NEK1: variants seen among roughly 807,000 people sequenced by gnomAD.
NEK1 encodes the protein NIMA related kinase 1, also known as serine/threonine-protein kinase Nek1.
NEK1 carries 137 observed loss-of-function variants against 182.1 expected under a neutral mutation model. That is an observed-to-expected ratio of 0.75 (90% confidence interval 0.65 to 0.87). The LOEUF (loss-of-function observed/expected upper bound fraction) is 0.87, where lower values mean the gene tolerates loss of function less well. NEK1 is among the 40% of genes least tolerant of loss of function. NEK1 has a pLI of 0.00. For missense variants in NEK1, 1,391 were observed against 1,494.4 expected, an observed-to-expected ratio of 0.93 and a Z score of 1.14; for synonymous variants, 513 against 492.2, an observed-to-expected ratio of 1.04 and a Z score of -0.56.
chr4:169,448,520 TGAAG>T (rs70964205), intron 27 of NEK1, among the ~76,000 whole-genome samples: 3,690 of 151,954 alleles, frequency 0.024, 65 homozygotes, highest in Non-Finnish European at 0.035. Context: ...AATGAAGATA[TGAAG>T]GAAGGAAGGA....
chr4:169,585,973 T>C (rs1451465136), intron 9 of NEK1, among the ~76,000 whole-genome samples: 1 of 152,106 alleles, frequency 6.6e-6, no homozygotes, highest in Admixed American at 6.5e-5. Context: ...CTAAAAGTAT[T>C]GGGGGAAAAT....
At chr4:169,403,776 A>C (rs1055012000) in intron 32 of NEK1, among the ~76,000 whole-genome samples, 1 of 152,178 alleles carries the variant, frequency 6.6e-6, no homozygotes, top group Non-Finnish European at 1.5e-5. Context: ...TCTTTTACTA[A>C]ATGAGCACCA....
chr4:169,400,696 A>C (rs1313156632), intron 33 of NEK1, 45 bp from the exon 34 acceptor site: 1 of 1,443,740 alleles, frequency 6.9e-7, no homozygotes, highest in Non-Finnish European at 9.4e-7. Context: ...AAAAGACTGA[A>C]TAACTCATAC....
intron 19 of NEK1, among the ~76,000 whole-genome samples, chr4:169,513,794 T>C (rs1754595557): frequency 6.6e-6 from 1 of 152,174 alleles, no homozygotes; most frequent in East Asian, 1.9e-4. Flanking sequence ...TGCTGATTTT[T>C]TTCAAAAGAT....
chr4:169,506,862 G>T (rs1285034240), intron 23 of NEK1, 175 bp downstream of exon 23: 4 of 359,378 alleles, frequency 1.1e-5, no homozygotes, highest in Non-Finnish European at 2.0e-5. Context: ...TCTTAAATGC[G>T]AGAGAGACAG....
intron 18 of NEK1, among the ~76,000 whole-genome samples, chr4:169,552,171 G>A (rs1394932437): frequency 1.3e-5 from 2 of 152,062 alleles, no homozygotes; most frequent in South Asian, 2.1e-4. Context: ...AAGAGATCAC[G>A]AGAAAATTAT....
intron 18 of NEK1, among the ~76,000 whole-genome samples, chr4:169,543,650 CT>C (rs1197825478): frequency 5.9e-5 from 9 of 152,160 alleles, no homozygotes; most frequent in Admixed American, 5.9e-4. Flanking sequence ...TTTCTGTCCT[CT>C]CTTATTTCCT....
intron 26 of NEK1, 35 bp downstream of exon 26, chr4:169,477,089 A>G: frequency 7.0e-7 from 1 of 1,426,952 alleles, no homozygotes; most frequent in Non-Finnish European, 9.6e-7. Context: ...TATGTACTAG[A>G]CCTAAATAGG....
intron 27 of NEK1, among the ~76,000 whole-genome samples, chr4:169,453,570 C>G (rs1742259669): frequency 6.6e-6 from 1 of 152,242 alleles, no homozygotes; most frequent in Non-Finnish European, 1.5e-5. Flanking sequence ...CAAGGAACAC[C>G]TGGCCCGCCC....
At chr4:169,571,700 G>A (rs991418023) in intron 12 of NEK1, among the ~76,000 whole-genome samples, 3 of 151,976 alleles carry the variant, frequency 2.0e-5, no homozygotes, top group East Asian at 1.9e-4. Flanking sequence ...TGAGGCTGTC[G>A]GGGGCTTTGT....
chr4:169,420,383 C>T (rs1735283069), intron 31 of NEK1, among the ~76,000 whole-genome samples: 1 of 152,166 alleles, frequency 6.6e-6, no homozygotes, highest in Admixed American at 6.6e-5. Context: ...ATACACAAAC[C>T]AGGCATGCAG....
chr4:169,485,374 A>G (rs1748852165), intron 23 of NEK1, among the ~76,000 whole-genome samples: 1 of 152,222 alleles, frequency 6.6e-6, no homozygotes, highest in South Asian at 2.1e-4. Flanking sequence ...ACATCATTAT[A>G]AGCTAATGTC....
chr4:169,497,811 T>A (rs1441252364), intron 23 of NEK1, among the ~76,000 whole-genome samples: 3 of 152,132 alleles, frequency 2.0e-5, no homozygotes, highest in South Asian at 2.1e-4. Flanking sequence ...TGCTGAGGAG[T>A]GCTTTACTTC....
At position 169,477,368 on chromosome 4, in the gene NEK1, T is replaced by C; in HGVS notation, c.2206-16A>G. Reference sequence around the variant, plus strand: ...CTCGCTTACTCTGAAAGTCACGACATTATATATTTTAATATGTATATCATT... The same window carrying C: ...CTCGCTTACTCTGAAAGTCACGACACTATATATTTTAATATGTATATCATT... On this transcript the variant is annotated splice_polypyrimidine_tract_variant and intron_variant, in intron 25 of 35. Coordinates refer to ENST00000507142, the MANE Select transcript of NEK1 (RefSeq NM_001199397.3). 1.9e-6 allele frequency: 3 copies of C among 1,553,552 alleles called. No individual in the cohort carries two copies. Among genetic ancestry groups the C allele is most frequent in the Non-Finnish European group, 2.6e-6 (3 of 1,146,162 alleles).
At chr4:169,403,434 G>A (rs1463719214) in intron 32 of NEK1, among the ~76,000 whole-genome samples, 1 of 152,062 alleles carries the variant, frequency 6.6e-6, no homozygotes, top group Non-Finnish European at 1.5e-5. Context: ...GCTAGGCGTG[G>A]TGGCACGAGC....
At chr4:169,568,459 A>G (rs980838095) in intron 12 of NEK1, among the ~76,000 whole-genome samples, 2 of 152,180 alleles carry the variant, frequency 1.3e-5, no homozygotes, top group East Asian at 3.8e-4. Flanking sequence ...CATTTTTTTA[A>G]AAAAGGACAT....
chr4:169,418,185 T>C (rs973150202), intron 31 of NEK1, among the ~76,000 whole-genome samples: 1 of 152,186 alleles, frequency 6.6e-6, no homozygotes, highest in Non-Finnish European at 1.5e-5. Flanking sequence ...TAGAGGGTCA[T>C]GCCTTGGAAA....
chr4:169,491,725 T>C (rs1345467249), intron 23 of NEK1, among the ~76,000 whole-genome samples: 2 of 152,200 alleles, frequency 1.3e-5, no homozygotes, highest in African/African-American at 2.4e-5. Flanking sequence ...GAATATTCCA[T>C]TACTGCAACA....
chr4:169,449,572 G>A (rs1346076234), intron 27 of NEK1, among the ~76,000 whole-genome samples: 4 of 152,184 alleles, frequency 2.6e-5, no homozygotes, highest in Non-Finnish European at 5.9e-5. Context: ...AACTCTAACA[G>A]ATCTGCAGCT....
Sources: gnomAD v4.1 joint callset for allele counts (sites outside exome capture counted in the v4.1 genomes callset) on GRCh38, gnomAD v4.1.1 for gene constraint, MANE v1.5 for transcripts, NCBI Gene and HGNC (gene_info 2026-07-23, HGNC 2026-07-21) for gene names.